The following HACE1 variants were observed in gnomAD, a reference collection of about 807,000 sequenced individuals.
The protein encoded by HACE1 is HECT domain and ankyrin repeat containing E3 ubiquitin protein ligase 1.
In HACE1, 73 loss-of-function variants were observed where a neutral mutation model predicts 118.4. The observed-to-expected ratio is 0.62, with a 90% CI of 0.51 to 0.75. The LOEUF is 0.75. Among genes scored for constraint, HACE1 ranks in the 30% least tolerant of loss-of-function variants. The pLI is 0.00. For synonymous variants in HACE1, 368 were observed against 374.8 expected, an observed-to-expected ratio of 0.98 and a Z score of 0.21; for missense variants, 749 against 1,102.2, an observed-to-expected ratio of 0.68 and a Z score of 4.54.
chr6:104,809,810 A>T (rs897950108), intron 7 of HACE1, among the ~76,000 whole-genome samples: 2 of 151,984 alleles, frequency 1.3e-5, no homozygotes, highest in African/African-American at 4.8e-5. Flanking sequence ...AGAAGTTCAG[A>T]TTCCGAACAT....
intron 14 of HACE1, among the ~76,000 whole-genome samples, chr6:104,781,156 C>A (rs143306286): frequency 1.2e-4 from 19 of 152,252 alleles, no homozygotes; most frequent in African/African-American, 4.1e-4. Flanking sequence ...ACTGTGTAAT[C>A]ATCCTACCCT....
chr6:104,806,086 A>G (rs1010580090), intron 7 of HACE1, among the ~76,000 whole-genome samples: 1 of 152,164 alleles, frequency 6.6e-6, no homozygotes, highest in Non-Finnish European at 1.5e-5. Context: ...AAGAAATACT[A>G]CTATAACATT....
At chr6:104,784,316 A>G in intron 13 of HACE1, 101 bp downstream of exon 13, 2 of 929,058 alleles carry the variant, frequency 2.2e-6, no homozygotes, top group South Asian at 2.6e-5. Context: ...TATTGAGCAT[A>G]TTTTGAATAG....
chr6:104,766,392 C>T (rs939496658), intron 19 of HACE1, among the ~76,000 whole-genome samples: 2 of 152,084 alleles, frequency 1.3e-5, no homozygotes, highest in East Asian at 3.9e-4. Context: ...CCACTTATGG[C>T]TTCATGTCAG....
intron 22 of HACE1, among the ~76,000 whole-genome samples, chr6:104,737,155 G>A (rs1323084658): frequency 6.6e-6 from 1 of 151,128 alleles, no homozygotes; most frequent in African/African-American, 2.4e-5. Context: ...AGCTGGACGT[G>A]GTGGCAGGCA....
chr6:104,841,254 T>C (rs898210158), intron 5 of HACE1, among the ~76,000 whole-genome samples: 10 of 152,226 alleles, frequency 6.6e-5, no homozygotes, highest in Non-Finnish European at 1.3e-4. Flanking sequence ...ATGAATAATT[T>C]TGTTAAATAA....
At position 104,740,025 on chromosome 6, in the gene HACE1, A is replaced by G. The variant is rs570503537; in HGVS notation, c.2513+4135T>C. Among the ~76,000 whole-genome samples the G allele has an allele frequency of 7.3e-3, 1,109 of 151,920 alleles. 6 individuals are homozygous for G. The highest frequency in any genetic ancestry group is 0.012 in the Non-Finnish European group (799 of 67,924). On this transcript the variant is annotated intron_variant, in intron 22 of 23. Transcript: ENST00000262903. ...AGGATTAAGAAACTCACTCAAAACC[A>G]CTCAACTACATGGAAACTGAACAAG... is the stretch of plus-strand genomic sequence containing the variant.
At position 104,859,708 on chromosome 6, in the gene HACE1, C is replaced by G; in HGVS notation, c.-66G>C. On this transcript the variant is annotated 5_prime_UTR_variant, in exon 1 of 24. Transcript: ENST00000262903. ...CACCGGCGGCCTCCGCGCCCAGAGC[C>G]CTACATCTCGCCTGGGCCCGTCCAG... The G allele has an allele frequency of 2.9e-6, 4 of 1,382,042 alleles. No homozygotes were observed. Among genetic ancestry groups the G allele is most frequent in the Non-Finnish European group, 3.0e-6 (3 of 1,014,342 alleles). The allele number at this position is 1,382,042 out of a possible 1,614,324, so 85.6% of individuals were successfully genotyped here. A position where few individuals can be genotyped will look rare whatever the true frequency, so the allele number is the denominator to read the frequency against.
chr6:104,808,527 C>T (rs192008197), intron 7 of HACE1, among the ~76,000 whole-genome samples: 20 of 152,240 alleles, frequency 1.3e-4, no homozygotes, highest in Admixed American at 3.9e-4. Context: ...GTTCTTTCCC[C>T]TGTATCTTAA....
At chr6:104,744,478 C>T (rs1311490651) in intron 21 of HACE1, 34 bp downstream of exon 21, 2 of 1,191,728 alleles carry the variant, frequency 1.7e-6, no homozygotes, top group Non-Finnish European at 1.3e-6. Flanking sequence ...AACGGCAAAA[C>T]TTAACTTCAT....
intron 22 of HACE1, among the ~76,000 whole-genome samples, chr6:104,737,698 T>C (rs1167635525): frequency 6.6e-6 from 1 of 152,136 alleles, no homozygotes; most frequent in Non-Finnish European, 1.5e-5. Flanking sequence ...GTCTCGCTGA[T>C]TGCTAGCACA....
At chr6:104,767,566 C>G (rs896612557) in intron 19 of HACE1, among the ~76,000 whole-genome samples, 2 of 152,148 alleles carry the variant, frequency 1.3e-5, no homozygotes, top group African/African-American at 4.8e-5. Context: ...TGTCATTTCC[C>G]TCTTTAACAT....
At chr6:104,737,282 C>CAAAAAAAAAAAAA (rs59915070) in intron 22 of HACE1, among the ~76,000 whole-genome samples, 18 of 42,712 alleles carry the variant, frequency 4.2e-4, no homozygotes, top group African/African-American at 1.4e-3. Flanking sequence ...GACTCTCTCT[C>CAAAAAAAAAAAAA]AAAAAAAAAA....
chr6:104,736,219 T>G (rs1288738307), intron 22 of HACE1, among the ~76,000 whole-genome samples: 1 of 151,494 alleles, frequency 6.6e-6, no homozygotes, highest in Non-Finnish European at 1.5e-5. Context: ...CAAAAAAAAG[T>G]TTTTCTTTTA....
chr6:104,759,409 T>C (rs1465508755), intron 19 of HACE1, among the ~76,000 whole-genome samples: 20 of 152,038 alleles, frequency 1.3e-4, no homozygotes, highest in Admixed American at 1.3e-3. Context: ...TCAAAACTGC[T>C]CAACTAAATG....
At chr6:104,852,730 C>T (rs946509555) in intron 1 of HACE1, among the ~76,000 whole-genome samples, 6 of 152,112 alleles carry the variant, frequency 3.9e-5, no homozygotes, top group Admixed American at 1.3e-4. Flanking sequence ...GTAGCTTTAA[C>T]AATTGAAATT....
intron 2 of HACE1, 60 bp from the exon 3 acceptor site, chr6:104,851,056 T>G (rs545439345): frequency 2.1e-6 from 2 of 933,526 alleles, no homozygotes; most frequent in Admixed American, 3.4e-5. Context: ...ACATAATAAA[T>G]CAAGTTAACA....
chr6:104,728,783 T>C lies in HACE1; in HGVS notation c.*879A>G, dbSNP rs967564249. The C allele has an allele frequency of 6.6e-6, 1 of 152,220 alleles. No homozygotes were observed. Among genetic ancestry groups the C allele is most frequent in the East Asian group, 1.9e-4 (1 of 5,180 alleles). The allele number at this position is 152,220 out of a possible 1,614,324, so 9.4% of individuals were successfully genotyped here. On this transcript the variant is annotated 3_prime_UTR_variant, in exon 24 of 24. Coordinates refer to ENST00000262903, the MANE Select transcript of HACE1 (RefSeq NM_020771.4). Reference sequence around the variant, plus strand: ...ACATCCAAGTGATATTAGGCACATATCACTTGAACTTGACATTTTAATGAT... The same window carrying C: ...ACATCCAAGTGATATTAGGCACATACCACTTGAACTTGACATTTTAATGAT...
chr6:104,851,507 T>C (rs1309013646), intron 2 of HACE1, among the ~76,000 whole-genome samples: 1 of 152,212 alleles, frequency 6.6e-6, no homozygotes, highest in Admixed American at 6.5e-5. Flanking sequence ...AAGCTGGTGC[T>C]GAAGGTTTCC....
Sources: allele counts gnomAD v4.1 joint callset (sites outside exome capture counted in the v4.1 genomes callset), GRCh38; gene constraint gnomAD v4.1.1; transcripts MANE v1.5; gene names NCBI Gene and HGNC (gene_info 2026-07-23, HGNC 2026-07-21).